DRC9: variants seen among roughly 807,000 people sequenced by gnomAD.
The protein encoded by DRC9 is dynein regulatory complex protein 9.
At chr3:197,938,445 G>C in the DRC9 span, 1 of 795,696 alleles carries the variant, frequency 1.3e-6, no homozygotes, top group African/African-American at 1.7e-5. Flanking sequence ...TGCATACACA[G>C]TAATGACTAA....
chr3:197,947,895 C>T, the DRC9 span, among the ~76,000 whole-genome samples: 2 of 151,074 alleles, frequency 1.3e-5, no homozygotes, highest in East Asian at 3.9e-4. Context: ...CCGGGAGACT[C>T]CATCATCCCT....
the DRC9 span, among the ~76,000 whole-genome samples, chr3:197,920,122 T>C: frequency 6.6e-6 from 1 of 151,666 alleles, no homozygotes; most frequent in Non-Finnish European, 1.5e-5. Flanking sequence ...GGCAGGAGAA[T>C]CACTTGAACC....
At chr3:197,951,472 C>T in the DRC9 span, 8 of 737,666 alleles carry the variant, frequency 1.1e-5, no homozygotes, top group African/African-American at 1.8e-5. Flanking sequence ...CCTGTCTCAG[C>T]CTCCCGAGTA....
the DRC9 span, chr3:197,913,328 G>A: frequency 1.0e-5 from 2 of 194,530 alleles, no homozygotes; most frequent in South Asian, 1.9e-4. Flanking sequence ...TTGCGTGTGT[G>A]CGTGCGTGCG....
the DRC9 span, chr3:197,957,461 T>G: frequency 1.1e-5 from 1 of 93,108 alleles, no homozygotes; most frequent in South Asian, 3.6e-4. Flanking sequence ...TGTGGTGGTT[T>G]TTTTTTTTTT....
chr3:197,958,174 C>G, the DRC9 span: 2 of 152,214 alleles, frequency 1.3e-5, no homozygotes, highest in Non-Finnish European at 2.9e-5. Flanking sequence ...CTCAGACAAT[C>G]CCCTGCCCAC....
At chr3:197,950,080 G>T in the DRC9 span, 2 of 1,203,494 alleles carry the variant, frequency 1.7e-6, no homozygotes, top group African/African-American at 1.6e-5. Context: ...TTATTTCAGT[G>T]CGAAGCCGAT....
the DRC9 span, among the ~76,000 whole-genome samples, chr3:197,938,101 A>C: frequency 2.6e-4 from 40 of 152,218 alleles, no homozygotes; most frequent in Non-Finnish European, 4.0e-4. Flanking sequence ...GGATCACCTG[A>C]GGTCAGGAGT....
At chr3:197,892,547 TA>T in the DRC9 span, 1 of 1,533,328 alleles carries the variant, frequency 6.5e-7, no homozygotes, top group African/African-American at 1.5e-5. Context: ...GTGAGTGCCC[TA>T]ATTCCTTCCA....
the DRC9 span, among the ~76,000 whole-genome samples, chr3:197,949,102 T>A: frequency 6.6e-6 from 1 of 152,222 alleles, no homozygotes; most frequent in Non-Finnish European, 1.5e-5. Flanking sequence ...TTAATTTTCT[T>A]CACAGAAATT....
the DRC9 span, among the ~76,000 whole-genome samples, chr3:197,917,753 C>CA: frequency 6.6e-6 from 1 of 150,864 alleles, no homozygotes; most frequent in East Asian, 1.9e-4. Flanking sequence ...TTTTTTGAGA[C>CA]AGAGTCTCGC....
the DRC9 span, among the ~76,000 whole-genome samples, chr3:197,920,418 C>G: frequency 1.4e-5 from 2 of 142,354 alleles, no homozygotes; most frequent in Non-Finnish European, 3.0e-5. Flanking sequence ...AGAACCCCCC[C>G]ATCTCAATTA....
chr3:197,949,920 T>C, the DRC9 span: 1 of 407,362 alleles, frequency 2.5e-6, no homozygotes, highest in East Asian at 3.6e-5. Flanking sequence ...ACGCAGGAAG[T>C]AAACTAAGTT....
the DRC9 span, among the ~76,000 whole-genome samples, chr3:197,926,712 G>C: frequency 6.6e-6 from 1 of 152,060 alleles, no homozygotes; most frequent in East Asian, 1.9e-4. Flanking sequence ...GAATCACATG[G>C]GATGGGCCTT....
chr3:197,954,304 G>T, the DRC9 span: 2 of 760,932 alleles, frequency 2.6e-6, no homozygotes, highest in Middle Eastern at 2.4e-4. Context: ...GATAGTAATT[G>T]AAAGAATTAG....
chr3:197,942,276 C>T, the DRC9 span, among the ~76,000 whole-genome samples: 1 of 149,400 alleles, frequency 6.7e-6, no homozygotes, highest in East Asian at 2.0e-4. Flanking sequence ...CCGGGCTGCT[C>T]GGGAGGCTGA....
At chr3:197,921,145 C>A in the DRC9 span, among the ~76,000 whole-genome samples, 1 of 130,602 alleles carries the variant, frequency 7.7e-6, no homozygotes, top group South Asian at 2.4e-4. Flanking sequence ...TTCAGTAACT[C>A]CGGGGATGTA....
At chr3:197,938,973 C>T in the DRC9 span, 1,559 of 578,798 alleles carry the variant, frequency 2.7e-3, 30 homozygotes, top group East Asian at 0.043. Context: ...TCTTCTTCTC[C>T]GTCATTCCCC....
the DRC9 span, among the ~76,000 whole-genome samples, chr3:197,897,332 TAA>T: frequency 1.3e-5 from 2 of 152,136 alleles, no homozygotes; most frequent in African/African-American, 2.4e-5. Flanking sequence ...CAAATATAAT[TAA>T]GAGAGACAAG....
Sources: gnomAD v4.1 joint callset for allele counts (sites outside exome capture counted in the v4.1 genomes callset) on GRCh38, gnomAD v4.1.1 for gene constraint, MANE v1.5 for transcripts, NCBI Gene and HGNC (gene_info 2026-07-23, HGNC 2026-07-21) for gene names.